Variants in FANK1 observed in about 807,000 individuals in gnomAD.
The protein encoded by FANK1 is fibronectin type 3 and ankyrin repeat domains protein 1.
A neutral mutation model predicts 45.3 loss-of-function variants in FANK1; 44 were observed. The observed-to-expected ratio is 0.97, with a 90% CI of 0.76 to 1.25. The LOEUF (loss-of-function observed/expected upper bound fraction) is 1.25. Ranked by LOEUF, FANK1 falls within the 50% of genes most tolerant of loss-of-function variation. The pLI is 0.00. For missense variants in FANK1, 391 were observed against 424.4 expected (o/e 0.92, Z 0.69); for synonymous variants, 149 against 152.5 (o/e 0.98, Z 0.17).
chr10:126,005,706 C>T (rs7903337), intron 7 of FANK1, among the ~76,000 whole-genome samples: 95,022 of 152,052 alleles, frequency 0.62, 30,442 homozygotes, highest in East Asian at 0.76. Context: ...TTTCAAATGG[C>T]GGAGATACAA....
intron 2 of FANK1, among the ~76,000 whole-genome samples, chr10:125,986,294 A>G (rs1951555631): frequency 6.6e-6 from 1 of 152,156 alleles, no homozygotes; most frequent in Non-Finnish European, 1.5e-5. Flanking sequence ...TGCTGGTGCT[A>G]CACCCGAGAA....
chr10:125,926,629 A>G (rs1176778280), intron 1 of FANK1, among the ~76,000 whole-genome samples: 4 of 152,418 alleles, frequency 2.6e-5, no homozygotes, highest in South Asian at 2.1e-4. Flanking sequence ...ATATTTTATC[A>G]TTTTTCTTTT....
At chr10:125,923,843 C>A (rs904318453) in intron 1 of FANK1, among the ~76,000 whole-genome samples, 25 of 152,324 alleles carry the variant, frequency 1.6e-4, no homozygotes, top group African/African-American at 5.8e-4. Context: ...GTTATGACTT[C>A]CTTTCAGAGT....
intron 4 of FANK1, chr10:125,995,701 G>A: frequency 1.9e-6 from 1 of 533,300 alleles, no homozygotes; most frequent in Non-Finnish European, 3.4e-6. Flanking sequence ...TATATTTTGT[G>A]ATTGTGTAAT....
chr10:125,936,201 A>G (rs180837375), intron 1 of FANK1, among the ~76,000 whole-genome samples: 65 of 152,312 alleles, frequency 4.3e-4, no homozygotes, highest in Middle Eastern at 6.8e-3. Context: ...ATAGCTTGAC[A>G]CTTTTGAATC....
intron 1 of FANK1, among the ~76,000 whole-genome samples, chr10:125,967,717 C>T (rs1029521779): frequency 2.0e-5 from 3 of 152,362 alleles, no homozygotes; most frequent in African/African-American, 2.4e-5. Flanking sequence ...GATCCTCCCA[C>T]TTCAGCTTCC....
intron 1 of FANK1, among the ~76,000 whole-genome samples, chr10:125,925,259 T>G (rs996733213): frequency 4.6e-5 from 7 of 152,302 alleles, no homozygotes; most frequent in Non-Finnish European, 8.8e-5. Context: ...TGTACTTGGG[T>G]GCATATGATT....
chr10:125,937,233 G>A (rs969070247), intron 1 of FANK1, among the ~76,000 whole-genome samples: 1 of 152,118 alleles, frequency 6.6e-6, no homozygotes, highest in Non-Finnish European at 1.5e-5. Flanking sequence ...GTTGTTCAAG[G>A]TCGTGACTTA....
Position 125,971,773 on chromosome 10 carries a change from T to C in FANK1, c.14-8388T>C, listed in dbSNP as rs375431303. On this transcript the variant is annotated intron_variant, in intron 1 of 10. Transcript: ENST00000368693. ...AGTAGCTGGGACTACAGGTGCCCGC[T>C]ACCACGGCCGGCTAATTTTTTTGTA... Among the ~76,000 whole-genome samples the C allele has an allele frequency of 1.0e-3, 155 of 152,080 alleles. 1 individual carries two copies. In the East Asian group the frequency reaches 0.017, roughly 17 times the overall value.
chr10:125,924,384 G>T (rs932283928), intron 1 of FANK1, among the ~76,000 whole-genome samples: 3 of 151,562 alleles, frequency 2.0e-5, no homozygotes, highest in Admixed American at 2.0e-4. Context: ...CTCCCGAGTA[G>T]CTGGGACTAC....
chr10:125,988,212 A>G (rs572508758), intron 2 of FANK1, among the ~76,000 whole-genome samples: 1 of 152,286 alleles, frequency 6.6e-6, no homozygotes, highest in East Asian at 1.9e-4. Context: ...TTACAAATAT[A>G]TGATTTGACT....
intron 1 of FANK1, among the ~76,000 whole-genome samples, chr10:125,966,729 CT>C (rs1950218910): frequency 6.6e-6 from 1 of 152,158 alleles, no homozygotes; most frequent in Non-Finnish European, 1.5e-5. Flanking sequence ...TTTTATCAGA[CT>C]TGTTGCTATC....
intron 1 of FANK1, among the ~76,000 whole-genome samples, chr10:125,957,520 T>A (rs1288737344): frequency 6.6e-6 from 1 of 151,956 alleles, no homozygotes; most frequent in African/African-American, 2.4e-5. Context: ...AAGCTTTTAT[T>A]TTGCCTTTAT....
chr10:125,966,103 T>C (rs10901484), intron 1 of FANK1, among the ~76,000 whole-genome samples: 54,000 of 151,838 alleles, frequency 0.36, 9,907 homozygotes, highest in South Asian at 0.43. Context: ...CTAGGGAGTT[T>C]TGTCTTTTAT....
chr10:125,967,113 G>T (rs1469150436), intron 1 of FANK1, among the ~76,000 whole-genome samples: 1 of 152,170 alleles, frequency 6.6e-6, no homozygotes, highest in Non-Finnish European at 1.5e-5. Context: ...TGGACATTTA[G>T]ATTAGTTTTC....
rs56131974 is a variant in FANK1, at chr10:125,972,932, A to ACG, written c.14-7228_14-7227dup. The ACG allele has an allele frequency of 4.5e-5, 7 of 154,112 alleles. 1 individual carries two copies. Among genetic ancestry groups the ACG allele is most frequent in the Non-Finnish European group, 9.9e-5 (7 of 70,616 alleles). The allele number at this position is 154,112 out of a possible 1,614,324, so 9.5% of individuals were successfully genotyped here. ...CACACACACACACACACACACACAC[A>ACG]CGAACCAACTTTCCAAGCACCACAC... is the stretch of plus-strand genomic sequence containing the variant. On this transcript the variant is annotated intron_variant, in intron 1 of 10. Coordinates refer to ENST00000368693, the MANE Select transcript of FANK1 (RefSeq NM_145235.5).
chr10:125,935,856 T>G (rs1948063284), intron 1 of FANK1, among the ~76,000 whole-genome samples: 1 of 152,206 alleles, frequency 6.6e-6, no homozygotes. Flanking sequence ...TAATTACACT[T>G]TTTTCTTTAG....
rs142874010 is a variant in FANK1, at chr10:125,940,810, T to C, written c.14-39351T>C. ...GCAGTGCGTTGTGCCCCCTGCTTAA[T>C]CAAGAACGGAGAATGGCGATGACTT... On this transcript the variant is annotated intron_variant, in intron 1 of 10. Coordinates refer to ENST00000368693, the MANE Select transcript of FANK1 (RefSeq NM_145235.5). 6.1e-3 allele frequency among the ~76,000 whole-genome samples: 929 copies of C among 152,326 alleles called. 11 individuals carry two copies. Among genetic ancestry groups the C allele is most frequent in the African/African-American group, 0.021 (884 of 41,580 alleles).
chr10:125,977,044 G>A (rs1009702351), intron 1 of FANK1, among the ~76,000 whole-genome samples: 3 of 151,920 alleles, frequency 2.0e-5, no homozygotes, highest in Admixed American at 2.0e-4. Context: ...CTTAGATTTG[G>A]TTTCAACATC....
Sources: allele counts gnomAD v4.1 joint callset (sites outside exome capture counted in the v4.1 genomes callset), GRCh38; gene constraint gnomAD v4.1.1; transcripts MANE v1.5; gene names NCBI Gene and HGNC (gene_info 2026-07-23, HGNC 2026-07-21).